PPP2R5C: variants seen among roughly 807,000 people sequenced by gnomAD.
The protein encoded by PPP2R5C is protein phosphatase 2 regulatory subunit B'gamma.
In PPP2R5C, 7 loss-of-function variants were observed where a neutral mutation model predicts 68.9. The ratio of observed to expected loss-of-function variants is 0.10; its 90% CI spans 0.06 to 0.19. The LOEUF is 0.19. PPP2R5C is among the 10% of genes least tolerant of loss of function. PPP2R5C has a pLI of 1.00. For synonymous variants in PPP2R5C, 210 were observed against 222.2 expected (o/e 0.95, Z 0.49); for missense variants, 348 against 641.3 (o/e 0.54, Z 4.94).
chr14:101,858,027 T>TA (rs1262040479), intron 2 of PPP2R5C, among the ~76,000 whole-genome samples: 1 of 152,216 alleles, frequency 6.6e-6, no homozygotes, highest in Non-Finnish European at 1.5e-5. Context: ...TTTTAACTCT[T>TA]AAAGTTCAGA....
intron 3 of PPP2R5C, chr14:101,796,407 C>T (rs369287582): frequency 6.6e-6 from 1 of 152,264 alleles, no homozygotes; most frequent in African/African-American, 2.4e-5. Flanking sequence ...AGGACACAGT[C>T]CCTGGATTGC....
At chr14:101,892,930 A>T (rs1414749546) in intron 6 of PPP2R5C, 70 bp from the exon 9 acceptor site, 4 of 1,213,834 alleles carry the variant, frequency 3.3e-6, no homozygotes, top group Non-Finnish European at 4.7e-6. Flanking sequence ...AAAAATTGAA[A>T]GACGGCAAGA....
chr14:101,836,718 TAAGAA>T (rs925220451), intron 1 of PPP2R5C: 1 of 239,482 alleles, frequency 4.2e-6, no homozygotes, highest in Non-Finnish European at 8.1e-6. Flanking sequence ...CTTTAAATCC[TAAGAA>T]GAGATAGGTA....
chr14:101,871,817 T>C (rs1254384703), intron 2 of PPP2R5C, among the ~76,000 whole-genome samples: 1 of 152,178 alleles, frequency 6.6e-6, no homozygotes, highest in African/African-American at 2.4e-5. Flanking sequence ...AGAACACACC[T>C]TTAACTTATC....
At chr14:101,779,570 T>A (rs999316869) in intron 2 of PPP2R5C, among the ~76,000 whole-genome samples, 4 of 151,806 alleles carry the variant, frequency 2.6e-5, no homozygotes, top group Non-Finnish European at 4.4e-5. Context: ...AATCTGAGAG[T>A]GGCCCAGCAT....
chr14:101,925,592 A>G lies in PPP2R5C; in HGVS notation c.*320A>G, dbSNP rs375185688. The G allele has an allele frequency of 5.4e-5, 11 of 204,404 alleles. No individual in the cohort carries two copies. In the East Asian group the frequency reaches 5.7e-4, roughly 11 times the overall value. The allele number at this position is 204,404 out of a possible 1,614,324, so 12.7% of individuals were successfully genotyped here. ...GCCCTTCATCTTCATGTTCTCCCAAATGGAACTTAGGATCTTTTAACATAG... is the reference window on the plus strand; with the variant it reads ...GCCCTTCATCTTCATGTTCTCCCAAGTGGAACTTAGGATCTTTTAACATAG... On this transcript the variant is annotated 3_prime_UTR_variant, in exon 14 of 14. Transcript: ENST00000334743.
chr14:101,779,193 C>T (rs1330540815), intron 2 of PPP2R5C, among the ~76,000 whole-genome samples: 2 of 152,172 alleles, frequency 1.3e-5, no homozygotes, highest in Non-Finnish European at 1.5e-5. Context: ...GAATTAAGGA[C>T]GTGAGAGACA....
At chr14:101,854,528 T>C (rs906955674) in intron 1 of PPP2R5C, among the ~76,000 whole-genome samples, 18 of 152,162 alleles carry the variant, frequency 1.2e-4, no homozygotes, top group Non-Finnish European at 2.4e-4. Flanking sequence ...AGGAAAGGCC[T>C]TGTAGAAGAA....
intron 5 of PPP2R5C, among the ~76,000 whole-genome samples, chr14:101,889,250 GT>G (rs969321312): frequency 6.6e-6 from 1 of 152,102 alleles, no homozygotes; most frequent in African/African-American, 2.4e-5. Flanking sequence ...TAATCAAATG[GT>G]TTTCATCTGA....
chr14:101,829,910 G>C (rs2040634513), intron 1 of PPP2R5C, among the ~76,000 whole-genome samples: 1 of 151,834 alleles, frequency 6.6e-6, no homozygotes, highest in Non-Finnish European at 1.5e-5. Flanking sequence ...TCACTCCTAG[G>C]GACCGAACAC....
intron 1 of PPP2R5C, chr14:101,836,099 C>G: frequency 3.1e-6 from 2 of 636,232 alleles, no homozygotes; most frequent in Non-Finnish European, 5.7e-6. Flanking sequence ...AAGGAAATTC[C>G]TCAATCCACA....
At chr14:101,863,924 T>G (rs1306654475) in intron 2 of PPP2R5C, among the ~76,000 whole-genome samples, 1 of 152,134 alleles carries the variant, frequency 6.6e-6, no homozygotes. Flanking sequence ...GCAGATTCTT[T>G]GGGTCCCACC....
rs111894330 is a variant in PPP2R5C, at chr14:101,887,572, C to G, written c.630-2665C>G. Among the ~76,000 whole-genome samples, 100 of 152,314 alleles carry G rather than the reference C, an allele frequency of 6.6e-4. 1 individual carries two copies. The highest frequency in any genetic ancestry group is 2.1e-3 in the African/African-American group (88 of 41,572). On this transcript the variant is annotated intron_variant, in intron 5 of 13. Coordinates refer to ENST00000334743, the Ensembl canonical transcript of PPP2R5C. ...TTCACAGGGGCTGCTGAGCAGGTCC[C>G]CACGCTGCCTCTGTGATGCCTTGAG... is the stretch of plus-strand genomic sequence containing the variant.
chr14:101,781,122 T>C lies in PPP2R5C; in HGVS notation c.94-4896T>C, dbSNP rs1038560992. The stretch of plus-strand genomic sequence containing the variant: ...TGCGGTGCCGCCACTGGAGGAGTCT[T>C]TGCAGGTTTATGGGACATCAGAGCA... On this transcript the variant is annotated intron_variant, in intron 2 of 14. Coordinates refer to the PPP2R5C transcript ENST00000328724. The surrounding 1 kb of genome is among the most constrained non-coding windows in gnomAD (Gnocchi z 6.4). 2.0e-5 allele frequency among the ~76,000 whole-genome samples: 3 copies of C among 152,082 alleles called. No individual in the cohort carries two copies. Among genetic ancestry groups the C allele is most frequent in the African/African-American group, 7.2e-5 (3 of 41,434 alleles).
At chr14:101,770,535 G>A (rs762907809) in intron 2 of PPP2R5C, among the ~76,000 whole-genome samples, 6 of 152,210 alleles carry the variant, frequency 3.9e-5, no homozygotes, top group Admixed American at 1.3e-4. Context: ...GCTTTAAAGC[G>A]TCTAGGGAGA....
chr14:101,921,052 TGC>T (rs2046973328), intron 13 of PPP2R5C: 2 of 154,896 alleles, frequency 1.3e-5, no homozygotes, highest in South Asian at 9.7e-5. Flanking sequence ...TGATAAATTC[TGC>T]TTTTTTTTTT....
chr14:101,845,959 A>G (rs1426221276), intron 1 of PPP2R5C, among the ~76,000 whole-genome samples: 3 of 152,206 alleles, frequency 2.0e-5, no homozygotes, highest in African/African-American at 7.2e-5. Flanking sequence ...TACCCAAATG[A>G]AGTGTACCTG....
chr14:101,863,291 G>A (rs2042862765), intron 2 of PPP2R5C, among the ~76,000 whole-genome samples: 1 of 149,398 alleles, frequency 6.7e-6, no homozygotes, highest in Non-Finnish European at 1.5e-5. Context: ...CTGGGCAACA[G>A]AGTGAGACTG....
intron 1 of PPP2R5C, among the ~76,000 whole-genome samples, chr14:101,849,946 G>A (rs1245210878): frequency 6.6e-6 from 1 of 152,170 alleles, no homozygotes; most frequent in Non-Finnish European, 1.5e-5. Flanking sequence ...TTCTTCTCAG[G>A]GGTGTCTTGG....
Sources: allele counts gnomAD v4.1 joint callset (sites outside exome capture counted in the v4.1 genomes callset), GRCh38; gene constraint gnomAD v4.1.1; non-coding constraint Gnocchi (gnomAD v3.1); transcripts MANE v1.5; gene names NCBI Gene and HGNC (gene_info 2026-07-23, HGNC 2026-07-21).